The following MGAT4C variants were observed in gnomAD, a reference collection of about 807,000 sequenced individuals.
MGAT4C encodes the protein alpha-1,3-mannosyl-glycoprotein 4-beta-N-acetylglucosaminyltransferase C.
In MGAT4C, 19 loss-of-function variants were observed where a neutral mutation model predicts 40.1. The observed-to-expected ratio is 0.47, with a 90% confidence interval of 0.33 to 0.70. The LOEUF (loss-of-function observed/expected upper bound fraction) is 0.70. MGAT4C is among the 30% of genes least tolerant of loss of function. The probability of loss-of-function intolerance (pLI) is 0.02; values close to 1 mark genes in which losing one functional copy is unlikely to be tolerated. For missense variants in MGAT4C, 491 were observed against 563.2 expected, an observed-to-expected ratio of 0.87 and a Z score of 1.30; for synonymous variants, 181 against 187.1, an observed-to-expected ratio of 0.97 and a Z score of 0.27.
rs1882969628 is a variant in MGAT4C at position 85,959,023 on chromosome 12, T to TACAATACA, written c.*20265_*20266insTGTATTGT. On this transcript the variant is annotated 3_prime_UTR_variant, in exon 5 of 5. Coordinates refer to ENST00000611864, the MANE Select transcript of MGAT4C (RefSeq NM_001351288.2). ...ATGTTATTAAATCTCTGGTAACCAC[T>TACAATACA]ATACAATACAATACAATACAATACA... 1 of 137,610 alleles carries TACAATACA rather than the reference T, an allele frequency of 7.3e-6. No homozygotes were observed. Among genetic ancestry groups the TACAATACA allele is most frequent in the Non-Finnish European group, 1.6e-5 (1 of 62,840 alleles). 8.5% of individuals were successfully genotyped at this position (137,610 alleles called of 1,614,324 possible). A position where few individuals can be genotyped will look rare whatever the true frequency, so the allele number is the denominator to read the frequency against.
intron 3 of MGAT4C, among the ~76,000 whole-genome samples, chr12:86,358,827 C>T (rs1321102671): frequency 1.3e-5 from 2 of 152,162 alleles, no homozygotes; most frequent in Non-Finnish European, 2.9e-5. Flanking sequence ...ATTCATAAAG[C>T]AAGTCCTTAG....
At chr12:86,206,800 C>A (rs1479483345) in intron 1 of MGAT4C, among the ~76,000 whole-genome samples, 1 of 152,094 alleles carries the variant, frequency 6.6e-6, no homozygotes, top group Non-Finnish European at 1.5e-5. Flanking sequence ...ATCGGCATAT[C>A]CCATATTCAT....
At chr12:86,450,828 G>A (rs1038365109) in intron 2 of MGAT4C, among the ~76,000 whole-genome samples, 1 of 151,714 alleles carries the variant, frequency 6.6e-6, no homozygotes, top group African/African-American at 2.4e-5. Flanking sequence ...ATACACGTTT[G>A]TATACACATA....
rs534490922 is a variant in MGAT4C at position 86,323,776 on chromosome 12, G to A, written c.-57+10289C>T. On this transcript the variant is annotated intron_variant, in intron 4 of 7. Coordinates refer to the MGAT4C transcript ENST00000548651. ...ATGCCTTCTCATTGAAACATTTTCC[G>A]ATAAAATTGTTGATGCTTCCGACAA... Among the ~76,000 whole-genome samples, 4 of 151,704 alleles carry A rather than the reference G, an allele frequency of 2.6e-5. No homozygotes were observed. In the South Asian group the frequency reaches 6.2e-4, roughly 24 times the overall value.
chr12:86,431,796 C>A (rs530721150), intron 3 of MGAT4C, among the ~76,000 whole-genome samples: 22 of 152,256 alleles, frequency 1.4e-4, no homozygotes, highest in African/African-American at 4.6e-4. Context: ...ATACATAACA[C>A]CTTCGCACCA....
At chr12:85,983,346 T>C (rs1245714377) in intron 4 of MGAT4C, among the ~76,000 whole-genome samples, 177 bp downstream of exon 4, 1 of 152,204 alleles carries the variant, frequency 6.6e-6, no homozygotes, top group East Asian at 1.9e-4. Context: ...TGTTATTAAG[T>C]GTACTGGGTC....
At chr12:86,587,713 G>A (rs1346055201) in intron 2 of MGAT4C, among the ~76,000 whole-genome samples, 1 of 151,680 alleles carries the variant, frequency 6.6e-6, no homozygotes, top group African/African-American at 2.4e-5. Flanking sequence ...TGAAGCAATT[G>A]TGAATGGGAG....
rs1338477570 is a variant in MGAT4C, at chr12:85,978,351, C to G, written c.*938G>C. 6.6e-6 allele frequency: 1 copy of G among 151,608 alleles called. No homozygotes were observed. The highest frequency in any genetic ancestry group is 1.5e-5 in the Non-Finnish European group (1 of 67,634). The allele number at this position is 151,608 out of a possible 1,614,324, so 9.4% of individuals were successfully genotyped here. ...AGTCAACTAATTTCTATGGTTCTTACTTTTCTCCTTTATAATATACCCATT... is the reference window on the plus strand; with the variant it reads ...AGTCAACTAATTTCTATGGTTCTTAGTTTTCTCCTTTATAATATACCCATT... On this transcript the variant is annotated 3_prime_UTR_variant, in exon 5 of 5. Transcript: ENST00000611864.
At chr12:86,501,006 C>T (rs1268459715) in intron 2 of MGAT4C, among the ~76,000 whole-genome samples, 1 of 151,960 alleles carries the variant, frequency 6.6e-6, no homozygotes, top group Non-Finnish European at 1.5e-5. Context: ...TAAAATTTAA[C>T]TCCTTGCATA....
At chr12:86,276,083 A>C (rs1330904156) in intron 4 of MGAT4C, among the ~76,000 whole-genome samples, 1 of 150,166 alleles carries the variant, frequency 6.7e-6, no homozygotes, top group Non-Finnish European at 1.5e-5. Context: ...GCGCCGCTGC[A>C]CTCCAGCCTG....
chr12:86,321,471 T>A (rs1954385301), intron 4 of MGAT4C, among the ~76,000 whole-genome samples: 1 of 152,160 alleles, frequency 6.6e-6, no homozygotes, highest in Non-Finnish European at 1.5e-5. Flanking sequence ...TCAGGGAGTA[T>A]TTTGATAGTT....
At chr12:86,175,292 T>C (rs1887277192) in intron 1 of MGAT4C, among the ~76,000 whole-genome samples, 1 of 152,190 alleles carries the variant, frequency 6.6e-6, no homozygotes, top group Non-Finnish European at 1.5e-5. Context: ...GTCTACTTAG[T>C]TTGCAAGGTT....
intron 1 of MGAT4C, among the ~76,000 whole-genome samples, chr12:86,168,622 A>C (rs1181203059): frequency 6.6e-6 from 1 of 152,134 alleles, no homozygotes; most frequent in Non-Finnish European, 1.5e-5. Context: ...CTGTTCAGTA[A>C]AGGACGTTAT....
At chr12:86,605,171 A>G (rs1035997910) in intron 2 of MGAT4C, among the ~76,000 whole-genome samples, 1 of 152,076 alleles carries the variant, frequency 6.6e-6, no homozygotes, top group Non-Finnish European at 1.5e-5. Flanking sequence ...AATTTTTAAT[A>G]TGGCAGTATT....
chr12:86,701,722 A>G (rs1950367813), intron 2 of MGAT4C, among the ~76,000 whole-genome samples: 1 of 152,138 alleles, frequency 6.6e-6, no homozygotes, highest in South Asian at 2.1e-4. Flanking sequence ...CCAAAACCCA[A>G]AACAGGCTGA....
At chr12:86,232,691 A>T (rs1025562117) in intron 1 of MGAT4C, among the ~76,000 whole-genome samples, 2 of 152,216 alleles carry the variant, frequency 1.3e-5, no homozygotes, top group Non-Finnish European at 2.9e-5. Flanking sequence ...ATCAACAAGG[A>T]ATGCCAAATA....
chr12:85,980,013 T>C lies in MGAT4C; in HGVS notation c.713A>G (p.Lys238Arg), dbSNP rs1884369892. ...RCSKNFLTAI[K>R]KVIASLEGTY... Reference sequence around the variant, plus strand: ...TCCTTCTAGGGATGCAATGACTTTCTTGATGGCAGTTAAGAAATTTTTTGA... The same window carrying C: ...TCCTTCTAGGGATGCAATGACTTTCCTGATGGCAGTTAAGAAATTTTTTGA... Residue 238 changes from lysine (K) to arginine (R), a missense_variant, in exon 5 of 5, where the codon AAG becomes AGG. Coordinates refer to ENST00000611864, the MANE Select transcript of MGAT4C (RefSeq NM_001351288.2). 4 of 1,613,594 alleles carry C rather than the reference T, an allele frequency of 2.5e-6. No homozygotes were observed. The highest frequency in any genetic ancestry group is 1.3e-5 in the African/African-American group (1 of 74,924).
chr12:86,814,385 C>CGT (rs200096970), intron 1 of MGAT4C, among the ~76,000 whole-genome samples: 4 of 53,398 alleles, frequency 7.5e-5, no homozygotes, highest in African/African-American at 6.6e-4. Flanking sequence ...TATACATATA[C>CGT]GTATATATAT....
At chr12:86,521,126 T>A (rs1389048085) in intron 2 of MGAT4C, among the ~76,000 whole-genome samples, 6 of 152,080 alleles carry the variant, frequency 3.9e-5, no homozygotes, top group Non-Finnish European at 8.8e-5. Flanking sequence ...TTGGCAACTT[T>A]GTCATAAAAT....
Sources: gnomAD v4.1 joint callset for allele counts (sites outside exome capture counted in the v4.1 genomes callset) on GRCh38, gnomAD v4.1.1 for gene constraint, MANE v1.5 for transcripts, NCBI Gene and HGNC (gene_info 2026-07-23, HGNC 2026-07-21) for gene names.